ARHGAP5: variants seen among roughly 807,000 people sequenced by gnomAD.
ARHGAP5 encodes the protein rho GTPase-activating protein 5.
ARHGAP5 carries 23 observed loss-of-function variants against 116.6 expected under a neutral mutation model. That is an observed-to-expected ratio of 0.20 (90% CI 0.14 to 0.28). ARHGAP5 has a LOEUF of 0.28. ARHGAP5 is among the 10% of genes least tolerant of loss of function. ARHGAP5 has a pLI of 1.00. For synonymous variants in ARHGAP5, 574 were observed against 602.0 expected (o/e 0.95, Z 0.68); for missense variants, 1,405 against 1,774.8 (o/e 0.79, Z 3.74).
intron 4 of ARHGAP5, among the ~76,000 whole-genome samples, chr14:32,148,163 A>AATCTATCTATCTATCT (rs71441707): frequency 1.8e-3 from 259 of 147,548 alleles, no homozygotes; most frequent in Middle Eastern, 3.5e-3. Context: ...AAAAAAAAGA[A>AATCTATCTATCTATCT]ATCTATCTAT....
Position 32,093,359 on chromosome 14 carries a change from T to G in ARHGAP5, c.2690T>G (p.Ile897Ser). 1 of 1,613,986 alleles carries G rather than the reference T, an allele frequency of 6.2e-7. No homozygotes were observed. The highest frequency in any genetic ancestry group is 8.5e-7 in the Non-Finnish European group (1 of 1,179,944). The stretch of plus-strand genomic sequence containing the variant: ...GCAGATTTTTTTGAAAATGAGGCTA[T>G]CAAAGAGTTAATGACTGAAGGAGAA... ...SQADFFENEA[I>S]KELMTEGEHI... Residue 897 changes from isoleucine to serine, a missense_variant, in exon 2 of 7, where the codon ATC becomes AGC. Physicochemically the swap from Ile to Ser is moderately radical, Grantham distance 142 (BLOSUM62 -2). This residue lies in a region of ARHGAP5 where 944 missense variants were observed against 1,095.3 expected (regional missense o/e 0.86). Coordinates refer to ENST00000345122, the MANE Select transcript of ARHGAP5 (RefSeq NM_001030055.2).
chr14:32,133,263 G>A lies in ARHGAP5; in HGVS notation c.3866-13000G>A, dbSNP rs568234306. Reference sequence around the variant, plus strand: ...TGTTTGTATCCTCTTTTATTTCCTTGAGCAGTGGTTTGTAGTTCTCCTTGA... The same window carrying A: ...TGTTTGTATCCTCTTTTATTTCCTTAAGCAGTGGTTTGTAGTTCTCCTTGA... On this transcript the variant is annotated intron_variant, in intron 3 of 6. Transcript: ENST00000345122. Among the ~76,000 whole-genome samples, 339 of 152,160 alleles carry A rather than the reference G, an allele frequency of 2.2e-3. 1 individual carries two copies. The highest frequency in any genetic ancestry group is 3.9e-3 in the Non-Finnish European group (267 of 68,000).
chr14:32,084,049 A>G (rs2041804619), intron 1 of ARHGAP5, among the ~76,000 whole-genome samples: 1 of 152,248 alleles, frequency 6.6e-6, no homozygotes, highest in Non-Finnish European at 1.5e-5. Context: ...CAGAAATGAA[A>G]GAATTTAGAA....
intron 2 of ARHGAP5, among the ~76,000 whole-genome samples, chr14:32,111,038 G>A (rs778169276): frequency 1.2e-4 from 18 of 152,166 alleles, no homozygotes; most frequent in Admixed American, 5.9e-4. Context: ...AAAGAGCTGC[G>A]CTGGAAGTAA....
chr14:32,120,509 T>TATTA (rs1261763444), intron 3 of ARHGAP5, among the ~76,000 whole-genome samples: 7 of 152,014 alleles, frequency 4.6e-5, no homozygotes, highest in African/African-American at 1.7e-4. Context: ...GTGTAAATAT[T>TATTA]TAATGGTCCA....
chr14:32,092,968 A>G lies in ARHGAP5; in HGVS notation c.2299A>G (p.Ile767Val), dbSNP rs771592334. ...VKHNLDVVSP[I>V]PANKDLSEAD... is the part of the protein sequence containing the mutation. ...ACACAATTTGGATGTGGTGAGCCCA[A>G]TTCCTGCCAATAAGGACTTATCAGA... The change falls in exon 2 of 7, where the codon ATT becomes GTT. Residue 767 changes from isoleucine (I) to valine (V), a missense_variant. By Grantham distance (29) the Ile-to-Val change is conservative. This residue lies in a region of ARHGAP5 where 944 missense variants were observed against 1,095.3 expected (regional missense o/e 0.86). Transcript: ENST00000345122. This position sits in a 1 kb window ranked among gnomAD's most constrained non-coding sequence, Gnocchi z 4.1. 6.8e-6 allele frequency: 11 copies of G among 1,613,932 alleles called. No homozygotes were observed. The highest frequency in any genetic ancestry group is 4.4e-5 in the South Asian group (4 of 91,088).
chr14:32,111,164 G>A (rs1419108531), intron 2 of ARHGAP5, among the ~76,000 whole-genome samples: 1 of 152,204 alleles, frequency 6.6e-6, no homozygotes, highest in Non-Finnish European at 1.5e-5. Context: ...CACTTTGGGG[G>A]ACCAAGGCAG....
At chr14:32,141,987 A>G (rs1226283913) in intron 3 of ARHGAP5, among the ~76,000 whole-genome samples, 4 of 152,040 alleles carry the variant, frequency 2.6e-5, no homozygotes, top group Non-Finnish European at 5.9e-5. Flanking sequence ...TTAAAAATTC[A>G]CTGATTACTC....
intron 3 of ARHGAP5, among the ~76,000 whole-genome samples, chr14:32,132,613 T>G (rs1256966729): frequency 2.0e-5 from 3 of 152,202 alleles, no homozygotes; most frequent in East Asian, 1.9e-4. Context: ...GTCAATTTTG[T>G]CTTTTGTTGC....
intron 1 of ARHGAP5, among the ~76,000 whole-genome samples, chr14:32,085,613 A>G (rs1047185465): frequency 6.6e-6 from 1 of 152,166 alleles, no homozygotes; most frequent in African/African-American, 2.4e-5. Flanking sequence ...ATTGTAGAAT[A>G]TATGATAATC....
At chr14:32,113,390 CTTG>C (rs1241959251) in intron 2 of ARHGAP5, among the ~76,000 whole-genome samples, 1 of 152,198 alleles carries the variant, frequency 6.6e-6, no homozygotes, top group African/African-American at 2.4e-5. Flanking sequence ...CTCCCCTCCC[CTTG>C]TTATATGTAT....
intron 2 of ARHGAP5, among the ~76,000 whole-genome samples, chr14:32,105,184 A>G (rs1003596484): frequency 3.9e-5 from 6 of 152,156 alleles, no homozygotes; most frequent in Admixed American, 6.5e-5. Flanking sequence ...TATCTGTTCA[A>G]TAAGAAAGGT....
chr14:32,080,622 G>T (rs2138993215), intron 1 of ARHGAP5, among the ~76,000 whole-genome samples: 1 of 152,252 alleles, frequency 6.6e-6, no homozygotes, highest in Middle Eastern at 3.4e-3. Context: ...AGCTCAAGCT[G>T]TATAAAGGAG....
Position 32,091,790 on chromosome 14 carries a change from T to A in ARHGAP5, c.1121T>A (p.Phe374Tyr). ...AAGTTAATGGAAAAGAGAGCAGATTTCCAGTTATGTTTTGTGGTGCTAGAA... is the reference window on the plus strand; with the variant it reads ...AAGTTAATGGAAAAGAGAGCAGATTACCAGTTATGTTTTGTGGTGCTAGAA... ...ALKLMEKRAD[F>Y]QLCFVVLEKT... is the part of the protein sequence containing the mutation. The change falls in exon 2 of 7, where the codon TTC (phenylalanine) becomes TAC (tyrosine). Residue 374 changes from phenylalanine to tyrosine, a missense_variant. This residue lies in a region of ARHGAP5 where 944 missense variants were observed against 1,095.3 expected (regional missense o/e 0.86). Transcript: ENST00000345122. 1.2e-6 allele frequency: 2 copies of A among 1,613,666 alleles called. No individual in the cohort carries two copies. The highest frequency in any genetic ancestry group is 1.7e-6 in the Non-Finnish European group (2 of 1,179,658).
chr14:32,130,952 T>C (rs1456022818), intron 3 of ARHGAP5, among the ~76,000 whole-genome samples: 1 of 152,200 alleles, frequency 6.6e-6, no homozygotes, highest in African/African-American at 2.4e-5. Flanking sequence ...ACCACAGTTC[T>C]CCAGCTTTTT....
chr14:32,128,887 G>C (rs114473376), intron 3 of ARHGAP5, among the ~76,000 whole-genome samples: 2,711 of 152,310 alleles, frequency 0.018, 88 homozygotes, highest in African/African-American at 0.062. Context: ...ATAGGAGTTA[G>C]GAAGTGTTTC....
chr14:32,086,701 CT>C (rs1237921457), intron 1 of ARHGAP5, among the ~76,000 whole-genome samples: 2 of 150,908 alleles, frequency 1.3e-5, no homozygotes, highest in African/African-American at 2.4e-5. Flanking sequence ...CCTTGTAGAA[CT>C]TTTTTTTTCT....
chr14:32,107,338 T>C (rs1879065334), intron 2 of ARHGAP5, among the ~76,000 whole-genome samples: 1 of 152,204 alleles, frequency 6.6e-6, no homozygotes. Context: ...TAGACATACC[T>C]GTCTAGTAAC....
intron 2 of ARHGAP5, among the ~76,000 whole-genome samples, chr14:32,103,595 A>T (rs1434656888): frequency 5.3e-5 from 8 of 152,188 alleles, no homozygotes; most frequent in Admixed American, 5.2e-4. Flanking sequence ...TCTTATGTTA[A>T]TGGACAGTTG....
Sources: allele counts gnomAD v4.1 joint callset (sites outside exome capture counted in the v4.1 genomes callset), GRCh38; gene constraint gnomAD v4.1.1; regional missense constraint gnomAD v4.1.1; non-coding constraint Gnocchi (gnomAD v3.1); transcripts MANE v1.5; gene names NCBI Gene and HGNC (gene_info 2026-07-23, HGNC 2026-07-21).